The following HLA-F variants were observed in gnomAD, a reference collection of about 807,000 sequenced individuals.
The protein encoded by HLA-F is major histocompatibility complex, class I, F.
Under a neutral mutation model 49.5 loss-of-function variants are expected in HLA-F, and 46 were observed. The observed-to-expected ratio is 0.93, with a 90% CI of 0.73 to 1.19. The LOEUF (loss-of-function observed/expected upper bound fraction) is 1.19, where lower values mean the gene tolerates loss of function less well. Among genes scored for constraint, HLA-F ranks in the 50% most tolerant of loss-of-function variants. The probability of loss-of-function intolerance (pLI) is 0.00; values close to 1 mark genes in which losing one functional copy is unlikely to be tolerated. For missense variants in HLA-F, 496 were observed against 579.6 expected (o/e 0.86, Z 1.48); for synonymous variants, 203 against 233.5 (o/e 0.87, Z 1.19).
downstream of HLA-F, chr6:29,728,280 C>T (rs1036999018): frequency 2.8e-6 from 1 of 357,432 alleles, no homozygotes; most frequent in African/African-American, 2.1e-5. Context: ...AAGTGTGGTC[C>T]CACCCCAGTC....
At chr6:29,724,905 G>A in intron 3 of HLA-F, 126 bp from the exon 4 acceptor site, 1 of 1,058,034 alleles carries the variant, frequency 9.5e-7, no homozygotes. Flanking sequence ...TGTCCAGGCT[G>A]GTGTCTGGGT....
chr6:29,723,696 C>T lies in HLA-F; in HGVS notation c.103C>T (p.Arg35Trp), dbSNP rs1404883635. Residue 35 changes from arginine (R) to tryptophan (W), a missense_variant, in exon 2 of 7, where the codon CGG becomes TGG. Arg to Trp is a moderately radical substitution (Grantham distance 101). Transcript: ENST00000259951. ...SLRYFSTAVS[R>W]PGRGEPRYIA... ...GAGGTATTTCAGCACCGCTGTGTCG[C>T]GGCCCGGCCGCGGGGAGCCCCGCTA... 1 of 1,611,278 alleles carries T rather than the reference C, an allele frequency of 6.2e-7. No homozygotes were observed. The highest frequency in any genetic ancestry group is 8.5e-7 in the Non-Finnish European group (1 of 1,179,498).
Position 29,727,077 on chromosome 6 carries a change from A to C in HLA-F, c.1231A>C (p.Ser411Arg). 1 of 1,613,160 alleles carries C rather than the reference A, an allele frequency of 6.2e-7. No homozygotes were observed. The highest frequency in any genetic ancestry group is 8.5e-7 in the Non-Finnish European group (1 of 1,180,028). Residue 411 changes from serine to arginine, a missense_variant, in exon 7 of 7, where the codon AGC (serine) becomes CGC (arginine). Transcript: ENST00000259951. Reference sequence around the variant, plus strand: ...CAACACTGCCTTCTTGGCCTTGCAAAGCCTTCGCTTTGGCTTCGGCTTTAG... The same window carrying C: ...CAACACTGCCTTCTTGGCCTTGCAACGCCTTCGCTTTGGCTTCGGCTTTAG... ...SFNTAFLALQ[S>R]LRFGFGFRRG...
intron 6 of HLA-F, chr6:29,726,558 A>ACT: frequency 1.5e-6 from 2 of 1,359,934 alleles, no homozygotes; most frequent in Non-Finnish European, 1.9e-6. Context: ...CATGCACGTA[A>ACT]ATGTGTGTGT....
rs1236930904 is a variant in HLA-F at position 29,725,012 on chromosome 6, A to G, written c.611-19A>G. On this transcript the variant is annotated intron_variant, in intron 3 of 6. Coordinates refer to ENST00000259951, the MANE Select transcript of HLA-F (RefSeq NM_001098479.2). ...CCCATGAGGAGTGCAAAGTGCCTGA[A>G]TTTTCTGACTCTTCTCAGATCCTCC... is the stretch of plus-strand genomic sequence containing the variant. 1 of 1,609,442 alleles carries G rather than the reference A, an allele frequency of 6.2e-7. No individual in the cohort carries two copies. The highest frequency in any genetic ancestry group is 1.1e-5 in the South Asian group (1 of 90,846).
chr6:29,737,218 CAAAAAAAAA>C (rs3030698), intron 3 of HLA-F, among the ~76,000 whole-genome samples: 3 of 65,204 alleles, frequency 4.6e-5, no homozygotes, highest in African/African-American at 1.5e-4. Flanking sequence ...ATCCTCATGG[CAAAAAAAAA>C]AAAAAAAAAA....
At chr6:29,731,612 C>T (rs943464022), downstream of HLA-F, among the ~76,000 whole-genome samples, 7 of 152,122 alleles carry the variant, frequency 4.6e-5, no homozygotes, top group East Asian at 5.8e-4. Context: ...CTGCCCACAG[C>T]GAGAGAGGAT....
downstream of HLA-F, chr6:29,728,214 G>C (rs530395961): frequency 1.3e-4 from 51 of 392,464 alleles, no homozygotes; most frequent in Middle Eastern, 8.5e-4. Flanking sequence ...AGGCCTGCCA[G>C]GACTTTCTCT....
At chr6:29,725,896 A>T (rs543191790) in intron 5 of HLA-F, 115 bp from the exon 6 acceptor site, 3 of 1,137,902 alleles carry the variant, frequency 2.6e-6, no homozygotes, top group Non-Finnish European at 4.0e-6. Context: ...CCTGCCCTGG[A>T]TCTACAGTTA....
chr6:29,726,372 A>C, intron 6 of HLA-F: 1 of 1,610,212 alleles, frequency 6.2e-7, no homozygotes, highest in Non-Finnish European at 8.5e-7. Flanking sequence ...TGTGACTGAT[A>C]CGAATTTGTT....
intron 3 of HLA-F, chr6:29,736,220 C>A (rs1467149558): frequency 2.8e-6 from 1 of 358,582 alleles, no homozygotes; most frequent in Non-Finnish European, 5.4e-6. Context: ...ACTGGGGCAT[C>A]ATTTCACACC....
At chr6:29,738,079 C>T (rs1777271842) in intron 3 of HLA-F, 1 of 152,270 alleles carries the variant, frequency 6.6e-6, no homozygotes, top group Non-Finnish European at 1.5e-5. Flanking sequence ...GACACCATTC[C>T]TCCTCTAACA....
At position 29,724,960 on chromosome 6, in the gene HLA-F, T is replaced by G; in HGVS notation, c.611-71T>G. On this transcript the variant is annotated intron_variant, in intron 3 of 6. Transcript: ENST00000259951. ...CCCAGGTGTCCTGTCCATTCTCAGG[T>G]TGGTCACATGGGTGCTGCTGGGGTT... The G allele has an allele frequency of 2.0e-6, 3 of 1,537,822 alleles. No individual in the cohort carries two copies. The African/African-American group carries it at 4.1e-5, about 21-fold the overall frequency.
At position 29,723,873 on chromosome 6, in the gene HLA-F, ACTGACCGAGTGGCC is replaced by A. The variant is rs1296532365; in HGVS notation, c.285_298del (p.Asp95GlufsTer70). On this transcript the variant is annotated frameshift_variant, in exon 2 of 7. Transcript: ENST00000259951. LOFTEE classifies it high-confidence loss of function. ...AGGGTACGCCAAGGCCAACGCACAG[ACTGACCGAGTGGCC>A]CTGAGGAACCTGCTCCGCCGCTACA... The A allele has an allele frequency of 7.5e-6, 12 of 1,596,522 alleles. No individual in the cohort carries two copies. The highest frequency in any genetic ancestry group is 2.2e-5 in the South Asian group (2 of 89,014).
chr6:29,728,445 A>G (rs921843460), downstream of HLA-F: 3 of 186,000 alleles, frequency 1.6e-5, no homozygotes, highest in Non-Finnish European at 3.4e-5. Context: ...GATATTCATC[A>G]GGTCAGCTGG....
At chr6:29,737,236 A>AAAAAAAAAAAAAAAAAC (rs1562312636) in intron 3 of HLA-F, among the ~76,000 whole-genome samples, 1 of 150,720 alleles carries the variant, frequency 6.6e-6, no homozygotes, top group African/African-American at 2.4e-5. Flanking sequence ...AAAAAAAAAA[A>AAAAAAAAAAAAAAAAAC]AAAAACCCTG....
At chr6:29,732,490 G>A (rs980764111) in intron 3 of HLA-F, among the ~76,000 whole-genome samples, 4 of 152,088 alleles carry the variant, frequency 2.6e-5, no homozygotes, top group African/African-American at 9.7e-5. Context: ...TGTCACCCAG[G>A]CTGGAGTACA....
downstream of HLA-F, among the ~76,000 whole-genome samples, chr6:29,732,083 A>G (rs1348028159): frequency 6.6e-6 from 1 of 151,930 alleles, no homozygotes; most frequent in African/African-American, 2.4e-5. Flanking sequence ...TCCCACCTCA[A>G]ACACTGGGGT....
intron 4 of HLA-F, 25 bp downstream of exon 4, chr6:29,725,331 G>C: frequency 6.2e-7 from 1 of 1,613,672 alleles, no homozygotes. Context: ...GGGTAAAGAG[G>C]GGAACGAGGG....
Sources: gnomAD v4.1 joint callset for allele counts (sites outside exome capture counted in the v4.1 genomes callset) on GRCh38, gnomAD v4.1.1 for gene constraint, MANE v1.5 for transcripts, NCBI Gene and HGNC (gene_info 2026-07-23, HGNC 2026-07-21) for gene names.